Variants in TMEM132C observed in about 807,000 individuals in gnomAD.
The protein encoded by TMEM132C is protein phosphatase 1, regulatory subunit 152.
Under a neutral mutation model 61.4 loss-of-function variants are expected in TMEM132C, and 29 were observed. The ratio of observed to expected loss-of-function variants is 0.47; its 90% CI spans 0.35 to 0.64. TMEM132C has a LOEUF of 0.64. TMEM132C is among the 30% of genes least tolerant of loss of function. The pLI, the probability that TMEM132C is intolerant of heterozygous loss-of-function variation, is 0.00. For missense variants in TMEM132C, 1,408 were observed against 1,476.9 expected (o/e 0.95, Z 0.76); for synonymous variants, 656 against 633.1 (o/e 1.04, Z -0.54).
At chr12:128,666,350 C>T (rs115024855) in intron 4 of TMEM132C, among the ~76,000 whole-genome samples, 1,802 of 152,286 alleles carry the variant, frequency 0.012, 26 homozygotes, top group African/African-American at 0.041. Context: ...GGCACACACA[C>T]ATTTTTTTCT....
chr12:128,391,440 A>C (rs561370677), intron 1 of TMEM132C, among the ~76,000 whole-genome samples: 5 of 152,202 alleles, frequency 3.3e-5, no homozygotes, highest in African/African-American at 1.2e-4. Context: ...CCCTCAGGAA[A>C]GGTACCTTCA....
At chr12:128,605,492 C>A (rs1481229384) in intron 3 of TMEM132C, among the ~76,000 whole-genome samples, 1 of 152,228 alleles carries the variant, frequency 6.6e-6, no homozygotes, top group Non-Finnish European at 1.5e-5. Context: ...CTCACAGATA[C>A]ACCCAGAATA....
chr12:128,407,437 G>A (rs1307083065), intron 1 of TMEM132C, among the ~76,000 whole-genome samples: 2 of 152,148 alleles, frequency 1.3e-5, no homozygotes, highest in Non-Finnish European at 2.9e-5. Context: ...ACTGCTGGCT[G>A]CTCTGTGAGG....
intron 1 of TMEM132C, among the ~76,000 whole-genome samples, chr12:128,270,105 C>T (rs2135887568): frequency 6.6e-6 from 1 of 152,230 alleles, no homozygotes; most frequent in Non-Finnish European, 1.5e-5. Flanking sequence ...TGATGTATTG[C>T]GCCTGTATAA....
At chr12:128,392,512 G>A (rs560580122) in intron 1 of TMEM132C, among the ~76,000 whole-genome samples, 3 of 152,118 alleles carry the variant, frequency 2.0e-5, no homozygotes, top group African/African-American at 4.8e-5. Flanking sequence ...ACCCCAGAAC[G>A]TCATGAAGGA....
At chr12:128,275,203 A>G (rs12423239) in intron 1 of TMEM132C, among the ~76,000 whole-genome samples, 13,203 of 152,224 alleles carry the variant, frequency 0.087, 669 homozygotes, top group South Asian at 0.15. Flanking sequence ...TCCGTGGCCT[A>G]TTAGGAACTA....
intron 2 of TMEM132C, among the ~76,000 whole-genome samples, chr12:128,420,711 C>T (rs2136026723): frequency 6.6e-6 from 1 of 152,184 alleles, no homozygotes; most frequent in Admixed American, 6.5e-5. Flanking sequence ...AAAGCTAGGA[C>T]TGATGAGATT....
chr12:128,687,026 A>T (rs941177915), intron 5 of TMEM132C, among the ~76,000 whole-genome samples: 1 of 151,820 alleles, frequency 6.6e-6, no homozygotes, highest in African/African-American at 2.4e-5. Context: ...GTGAAACCTC[A>T]TCTTTACTAA....
intron 3 of TMEM132C, among the ~76,000 whole-genome samples, chr12:128,566,590 C>T (rs779102055): frequency 9.9e-5 from 15 of 152,140 alleles, no homozygotes; most frequent in Admixed American, 2.6e-4. Flanking sequence ...TGACATAAAA[C>T]GCCCATGAAA....
intron 2 of TMEM132C, among the ~76,000 whole-genome samples, chr12:128,537,286 G>C (rs1228308319): frequency 1.3e-5 from 2 of 152,212 alleles, no homozygotes; most frequent in East Asian, 3.9e-4. Flanking sequence ...AAAAGGGCAA[G>C]GCAGTATCAG....
chr12:128,285,386 C>CA lies in TMEM132C; in HGVS notation c.85+17908dup, dbSNP rs934077723. ...TTTTAATTACAAATAGGAATGAAAA[C>CA]AAAAAAAAAGACATTTTAGTAAATA... On this transcript the variant is annotated intron_variant, in intron 1 of 8. Transcript: ENST00000435159. Among the ~76,000 whole-genome samples the CA allele has an allele frequency of 4.3e-3, 644 of 149,358 alleles. 8 individuals carry two copies. The highest frequency in any genetic ancestry group is 0.014 in the African/African-American group (572 of 40,712).
chr12:128,385,389 G>A (rs10847606), intron 1 of TMEM132C, among the ~76,000 whole-genome samples: 4,094 of 11,858 alleles, frequency 0.35, 533 homozygotes, highest in African/African-American at 0.45. Context: ...GCAAAGATTC[G>A]AGACATAAAC....
At chr12:128,667,741 A>G (rs1161450479) in intron 4 of TMEM132C, among the ~76,000 whole-genome samples, 1 of 152,178 alleles carries the variant, frequency 6.6e-6, no homozygotes, top group African/African-American at 2.4e-5. Flanking sequence ...TTTCATTTTC[A>G]TCTGTCCATA....
intron 1 of TMEM132C, among the ~76,000 whole-genome samples, chr12:128,316,729 A>G (rs1308771080): frequency 6.6e-6 from 1 of 152,124 alleles, no homozygotes; most frequent in Non-Finnish European, 1.5e-5. Flanking sequence ...TTTTAATGTT[A>G]TATCACCTCA....
At chr12:128,553,522 A>T (rs1158000647) in intron 3 of TMEM132C, among the ~76,000 whole-genome samples, 1 of 152,184 alleles carries the variant, frequency 6.6e-6, no homozygotes, top group Non-Finnish European at 1.5e-5. Flanking sequence ...TTGCCAAAGT[A>T]CTTTGCTTGT....
chr12:128,418,773 T>C (rs74347594), intron 2 of TMEM132C, among the ~76,000 whole-genome samples: 2,252 of 152,344 alleles, frequency 0.015, 20 homozygotes, highest in Non-Finnish European at 0.025. Flanking sequence ...CCAGCTTATC[T>C]GTGTGACTGA....
rs140182072 is a variant in TMEM132C at position 128,559,178 on chromosome 12, GACAC to G, written c.1121+15089_1121+15092del. On this transcript the variant is annotated intron_variant, in intron 3 of 8. Coordinates refer to ENST00000435159, the MANE Select transcript of TMEM132C (RefSeq NM_001136103.3). ...ACATACACACACAAACACACACACA[GACAC>G]ACACACACACACATTTCCTCTCCCA... is the stretch of plus-strand genomic sequence containing the variant. Among the ~76,000 whole-genome samples the G allele has an allele frequency of 5.2e-3, 762 of 147,758 alleles. 12 individuals carry two copies. Among genetic ancestry groups the G allele is most frequent in the African/African-American group, 0.016 (652 of 40,366 alleles).
chr12:128,612,661 C>G (rs1876674718), intron 3 of TMEM132C, among the ~76,000 whole-genome samples: 1 of 152,210 alleles, frequency 6.6e-6, no homozygotes, highest in Non-Finnish European at 1.5e-5. Flanking sequence ...TGCGTGGAAC[C>G]TGGTCCAGTG....
chr12:128,518,023 C>A (rs1872775126), intron 2 of TMEM132C, among the ~76,000 whole-genome samples: 1 of 152,196 alleles, frequency 6.6e-6, no homozygotes, highest in Non-Finnish European at 1.5e-5. Context: ...CATTGAAATT[C>A]AGGTATAGCA....
Sources: gnomAD v4.1 joint callset for allele counts (sites outside exome capture counted in the v4.1 genomes callset) on GRCh38, gnomAD v4.1.1 for gene constraint, MANE v1.5 for transcripts, NCBI Gene and HGNC (gene_info 2026-07-23, HGNC 2026-07-21) for gene names.